MICA: variants seen among roughly 807,000 people sequenced by gnomAD.
MICA encodes MHC class I polypeptide-related sequence A, also known as HLA class I antigen.
MICA carries 18 observed loss-of-function variants against 34.3 expected under a neutral mutation model. That is an observed-to-expected ratio of 0.52 (90% CI 0.36 to 0.78). The LOEUF is 0.78. MICA is among the 30% of genes least tolerant of loss of function. MICA has a pLI of 0.00. For synonymous variants in MICA, 135 were observed against 156.9 expected (o/e 0.86, Z 1.04); for missense variants, 333 against 409.4 (o/e 0.81, Z 1.61).
upstream of MICA, chr6:31,400,874 G>C (rs1430573956): frequency 6.6e-6 from 1 of 151,386 alleles, no homozygotes; most frequent in Non-Finnish European, 1.5e-5. Flanking sequence ...CAGAAGACCT[G>C]GGAGGCTTGG....
In MICA at chr6:31,407,418, T is replaced by G. The variant is rs893352209; in HGVS notation, c.71-3125T>G. Among the ~76,000 whole-genome samples the G allele has an allele frequency of 4.0e-5, 6 of 151,874 alleles. 1 individual carries two copies. Among genetic ancestry groups the G allele is most frequent in the African/African-American group, 1.5e-4 (6 of 41,268 alleles). On this transcript the variant is annotated intron_variant, in intron 1 of 5. Coordinates refer to ENST00000449934, the MANE Select transcript of MICA (RefSeq NM_001177519.3). ...TGCCTGGCTAATTTTCTATTTTTAT[T>G]AGAGATGGGGTTTCTCTATGTTGGC...
At position 31,406,407 on chromosome 6, in the gene MICA, TA is replaced by T. The variant is rs201485790; in HGVS notation, c.70+2706del. ...TTCTCATTTTTAAATTGGATTATTA[TA>T]TTTTTTTTCCTATAGTTGTTCGAGC... On this transcript the variant is annotated intron_variant, in intron 1 of 5. Transcript: ENST00000449934. 5.0e-3 allele frequency among the ~76,000 whole-genome samples: 670 copies of T among 134,428 alleles called. 9 individuals carry two copies. Among genetic ancestry groups the T allele is most frequent in the Middle Eastern group, 0.024 (6 of 248 alleles). 88.2% of individuals were successfully genotyped at this position (134,428 alleles called of 152,430 possible). A position where few individuals can be genotyped will look rare whatever the true frequency, so the allele number is the denominator to read the frequency against.
At position 31,403,790 on chromosome 6, in the gene MICA, T is replaced by C. The variant is rs982847397; in HGVS notation, c.70+88T>C. On this transcript the variant is annotated intron_variant, in intron 1 of 5. Transcript: ENST00000449934. This position sits in a 1 kb window ranked among gnomAD's most constrained non-coding sequence, Gnocchi z 4.7. ...GTGGGTAGCGGCGAGCGCTGTGCGG[T>C]CAGGGCGGGGCTCCTGTGCCCTGTC... The C allele has an allele frequency of 4.8e-5, 62 of 1,288,780 alleles. 1 individual carries two copies. In the African/African-American group the frequency reaches 8.3e-4, roughly 17 times the overall value. 79.8% of individuals were successfully genotyped at this position (1,288,780 alleles called of 1,614,324 possible).
rs1771248854 is a variant in MICA at position 31,412,425 on chromosome 6, G to T, written c.993G>T (p.Leu331Phe). Residue 331 changes from leucine to phenylalanine, a missense_variant, in exon 5 of 6, where the codon TTG becomes TTT. Leu to Phe is a conservative substitution (Grantham distance 22). Coordinates refer to ENST00000449934, the MANE Select transcript of MICA (RefSeq NM_001177519.3). Reference protein sequence around the residue: ...YFCYYYFLCPLL With the variant: ...YFCYYYFLCPFL ...GTTATTATTATTTTCTATGTCCGTT[G>T]TTGTAAGAAGAAAACATCAGCTGCA... is the stretch of plus-strand genomic sequence containing the variant. 1 of 1,571,482 alleles carries T rather than the reference G, an allele frequency of 6.4e-7. No homozygotes were observed.
chr6:31,414,003 G>A lies in MICA; in HGVS notation c.*30-1009G>A, dbSNP rs181929464. On this transcript the variant is annotated intron_variant, in intron 5 of 5. Transcript: ENST00000449934. Reference sequence around the variant, plus strand: ...AACACAAATTTCTCAAAATTCCTGCGATGTCCAATAAAGATTTTCATAATT... The same window carrying A: ...AACACAAATTTCTCAAAATTCCTGCAATGTCCAATAAAGATTTTCATAATT... Among the ~76,000 whole-genome samples, 5 of 152,086 alleles carry A rather than the reference G, an allele frequency of 3.3e-5. No homozygotes were observed. In the East Asian group the frequency reaches 7.7e-4, roughly 24 times the overall value.
At position 31,403,763 on chromosome 6, in the gene MICA, G is replaced by T; in HGVS notation, c.70+61G>T. 7.4e-6 allele frequency: 11 copies of T among 1,479,174 alleles called. No homozygotes were observed. Among genetic ancestry groups the T allele is most frequent in the Non-Finnish European group, 1.0e-5 (11 of 1,104,856 alleles). The allele number at this position is 1,479,174 out of a possible 1,614,324, so 91.6% of individuals were successfully genotyped here. ...GAGCAGTGGGACGTTTCCGGGGGTC[G>T]GGTGGGTAGCGGCGAGCGCTGTGCG... On this transcript the variant is annotated intron_variant, in intron 1 of 5. Coordinates refer to ENST00000449934, the MANE Select transcript of MICA (RefSeq NM_001177519.3). The surrounding 1 kb of genome is among the most constrained non-coding windows in gnomAD (Gnocchi z 4.7).
chr6:31,403,762 C>G lies in MICA; in HGVS notation c.70+60C>G, dbSNP rs1263701086. On this transcript the variant is annotated intron_variant, in intron 1 of 5. Coordinates refer to ENST00000449934, the MANE Select transcript of MICA (RefSeq NM_001177519.3). The surrounding 1 kb of genome is among the most constrained non-coding windows in gnomAD (Gnocchi z 4.7). ...GGAGCAGTGGGACGTTTCCGGGGGTCGGGTGGGTAGCGGCGAGCGCTGTGC... is the reference window on the plus strand; with the variant it reads ...GGAGCAGTGGGACGTTTCCGGGGGTGGGGTGGGTAGCGGCGAGCGCTGTGC... 3.4e-5 allele frequency: 50 copies of G among 1,454,720 alleles called. No homozygotes were observed. Among genetic ancestry groups the G allele is most frequent in the Non-Finnish European group, 4.1e-5 (45 of 1,085,012 alleles). The allele number at this position is 1,454,720 out of a possible 1,614,324, so 90.1% of individuals were successfully genotyped here.
chr6:31,408,614 C>G (rs1770880289), intron 1 of MICA, among the ~76,000 whole-genome samples: 1 of 151,888 alleles, frequency 6.6e-6, no homozygotes, highest in Non-Finnish European at 1.5e-5. Context: ...CACCATTCTA[C>G]TTTTTGTTTC....
chr6:31,409,021 A>G (rs7747161), intron 1 of MICA, among the ~76,000 whole-genome samples: 20,603 of 149,592 alleles, frequency 0.14, 1,872 homozygotes, highest in South Asian at 0.32. Context: ...AAAAAAATAA[A>G]ACAATAATAA....
rs1201561928 is a variant in MICA at position 31,415,095 on chromosome 6, C to T, written c.*113C>T. 2 of 1,281,138 alleles carry T rather than the reference C, an allele frequency of 1.6e-6. No homozygotes were observed. Among genetic ancestry groups the T allele is most frequent in the Admixed American group, 1.7e-5 (1 of 57,982 alleles). The allele number at this position is 1,281,138 out of a possible 1,614,324, so 79.4% of individuals were successfully genotyped here. A position where few individuals can be genotyped will look rare whatever the true frequency, so the allele number is the denominator to read the frequency against. On this transcript the variant is annotated 3_prime_UTR_variant, in exon 6 of 6. Coordinates refer to ENST00000449934, the MANE Select transcript of MICA (RefSeq NM_001177519.3). ...TGCCACACAGCTCGGATTTCAGCCTCTGATGTCAGCTCTTGGGTCCACTGG... is the reference window on the plus strand; with the variant it reads ...TGCCACACAGCTCGGATTTCAGCCTTTGATGTCAGCTCTTGGGTCCACTGG...
At chr6:31,406,614 T>C (rs1352717719) in intron 1 of MICA, among the ~76,000 whole-genome samples, 1 of 151,934 alleles carries the variant, frequency 6.6e-6, no homozygotes, top group Non-Finnish European at 1.5e-5. Flanking sequence ...GGGGTATTAC[T>C]TTAAAAATCT....
chr6:31,408,790 G>A (rs1277313148), intron 1 of MICA, among the ~76,000 whole-genome samples: 1 of 151,398 alleles, frequency 6.6e-6, no homozygotes, highest in African/African-American at 2.4e-5. Flanking sequence ...GATCACCTGA[G>A]TTTCGGAGTT....
intron 1 of MICA, among the ~76,000 whole-genome samples, chr6:31,407,130 G>A (rs1770791645): frequency 6.6e-6 from 1 of 151,922 alleles, no homozygotes; most frequent in Non-Finnish European, 1.5e-5. Context: ...TGAATCTGTA[G>A]ATTACTTTGG....
At chr6:31,409,554 C>T (rs148754179) in intron 1 of MICA, among the ~76,000 whole-genome samples, 1,291 of 110,258 alleles carry the variant, frequency 0.012, 24 homozygotes, top group Middle Eastern at 0.055. Context: ...TATTTCATTT[C>T]GGGGTTGATT....
intron 1 of MICA, among the ~76,000 whole-genome samples, chr6:31,404,818 C>G (rs1484882899): frequency 6.6e-6 from 1 of 151,392 alleles, no homozygotes; most frequent in East Asian, 2.0e-4. Context: ...ATGGTGGCCC[C>G]TTCCCCACTC....
intron 5 of MICA, among the ~76,000 whole-genome samples, chr6:31,413,529 CAG>C (rs1436105806): frequency 1.3e-5 from 2 of 151,956 alleles, no homozygotes; most frequent in Non-Finnish European, 2.9e-5. Flanking sequence ...TCTGCAAAGA[CAG>C]AAGCAGTTCA....
At position 31,411,340 on chromosome 6, in the gene MICA, C is replaced by A; in HGVS notation, c.594C>A (p.Gly198=). ...LQELRRYLES[G]VVLRRTVPPM... is the part of the protein sequence containing the mutation. Reference sequence around the variant, plus strand: ...AACTACGGCGATATCTAGAATCCGGCGTAGTCCTGAGGAGAACAGGTACCG... The same window carrying A: ...AACTACGGCGATATCTAGAATCCGGAGTAGTCCTGAGGAGAACAGGTACCG... Residue 198 remains glycine (G), a synonymous_variant, in exon 3 of 6, where the codon GGC becomes GGA. Coordinates refer to ENST00000449934, the MANE Select transcript of MICA (RefSeq NM_001177519.3). This position sits in a 1 kb window ranked among gnomAD's most constrained non-coding sequence, Gnocchi z 4.3. 6.4e-7 allele frequency: 1 copy of A among 1,572,366 alleles called. No homozygotes were observed.
chr6:31,412,147 A>T lies in MICA; in HGVS notation c.814A>T (p.Ile272Phe). The T allele has an allele frequency of 3.7e-6, 6 of 1,612,820 alleles. No individual in the cohort carries two copies. Among genetic ancestry groups the T allele is most frequent in the Non-Finnish European group, 4.2e-6 (5 of 1,179,864 alleles). The change falls in exon 4 of 6, where the codon ATT becomes TTT. Residue 272 changes from isoleucine to phenylalanine, a missense_variant. By Grantham distance (21) the Ile-to-Phe change is conservative. Transcript: ENST00000449934. ...GTYQTWVATR[I>F]CRGEEQRFTC... Reference sequence around the variant, plus strand: ...CTACCAGACCTGGGTGGCCACCAGGATTTGCCGAGGAGAGGAGCAGAGGTT... The same window carrying T: ...CTACCAGACCTGGGTGGCCACCAGGTTTTGCCGAGGAGAGGAGCAGAGGTT...
intron 5 of MICA, among the ~76,000 whole-genome samples, chr6:31,414,108 T>A (rs1049935724): frequency 3.3e-5 from 5 of 151,948 alleles, no homozygotes; most frequent in African/African-American, 1.2e-4. Context: ...TGGAGCCCCC[T>A]CTCCAGGAGG....
Sources: allele counts gnomAD v4.1 joint callset (sites outside exome capture counted in the v4.1 genomes callset), GRCh38; gene constraint gnomAD v4.1.1; non-coding constraint Gnocchi (gnomAD v3.1); transcripts MANE v1.5; gene names NCBI Gene and HGNC (gene_info 2026-07-23, HGNC 2026-07-21).